Variants in BICRA observed in about 807,000 individuals in gnomAD.
BICRA encodes the protein BRD4-interacting chromatin-remodeling complex-associated protein.
A neutral mutation model predicts 96.9 loss-of-function variants in BICRA; 31 were observed. That is an observed-to-expected ratio of 0.32 (90% CI 0.24 to 0.43). The LOEUF (loss-of-function observed/expected upper bound fraction) is 0.43, where lower values mean the gene tolerates loss of function less well. Among genes scored for constraint, BICRA ranks in the 20% least tolerant of loss-of-function variants. The pLI is 1.00. For missense variants in BICRA, 2,283 were observed against 2,190.3 expected, an observed-to-expected ratio of 1.04 and a Z score of -0.84; for synonymous variants, 1,350 against 1,071.8, an observed-to-expected ratio of 1.26 and a Z score of -5.07.
intron 2 of BICRA, among the ~76,000 whole-genome samples, chr19:47,671,845 TG>T (rs1273890817): frequency 1.1e-4 from 12 of 104,444 alleles, no homozygotes; most frequent in East Asian, 2.9e-4. Flanking sequence ...GATGGAAGGA[TG>T]GGAGGGATGG....
At chr19:47,669,559 T>C (rs1009842094) in intron 1 of BICRA, among the ~76,000 whole-genome samples, 2 of 152,190 alleles carry the variant, frequency 1.3e-5, no homozygotes, top group Non-Finnish European at 2.9e-5. Context: ...CTATATGTTA[T>C]ATACACTATA....
Position 47,680,891 on chromosome 19 carries a change from C to T in BICRA, c.1721C>T (p.Pro574Leu), listed in dbSNP as rs1278742771. 5 of 1,487,810 alleles carry T rather than the reference C, an allele frequency of 3.4e-6. No homozygotes were observed. The East Asian group carries it at 1.0e-4, about 31-fold the overall frequency. 92.2% of individuals were successfully genotyped at this position (1,487,810 alleles called of 1,614,324 possible). A position where few individuals can be genotyped will look rare whatever the true frequency, so the allele number is the denominator to read the frequency against. The change falls in exon 6 of 15, where the codon CCC (proline) becomes CTC (leucine). Residue 574 changes from proline to leucine, a missense_variant. Physicochemically the swap from Pro to Leu is moderately conservative, Grantham distance 98. Coordinates refer to ENST00000594866, the MANE Select transcript of BICRA (RefSeq NM_001394372.1). ...GSLPTQSQPA[P>L]AGPAATTVLQ... ...CTGCCCACGCAGAGCCAGCCAGCGC[C>T]CGCCGGGCCGGCCGCCACCACTGTC...
At chr19:47,655,809 T>A (rs1424764534) in intron 1 of BICRA, among the ~76,000 whole-genome samples, 3 of 151,110 alleles carry the variant, frequency 2.0e-5, no homozygotes, top group Admixed American at 1.3e-4. Context: ...TGAGCCGAGA[T>A]CGCTGCACTG....
intron 1 of BICRA, among the ~76,000 whole-genome samples, chr19:47,638,186 G>T (rs1363374805): frequency 6.6e-6 from 1 of 152,044 alleles, no homozygotes; most frequent in African/African-American, 2.4e-5. Context: ...GAGTCTGGAA[G>T]TAATTTCCAG....
chr19:47,608,529 C>G (rs1382975854), upstream of BICRA: 1 of 152,354 alleles, frequency 6.6e-6, no homozygotes, highest in East Asian at 1.9e-4. Flanking sequence ...GGACGCACGG[C>G]GCCCCCTCCC....
Position 47,687,776 on chromosome 19 carries a change from C to T in BICRA, c.2283+5624C>T, listed in dbSNP as rs1036118613. Among the ~76,000 whole-genome samples, 4 of 143,712 alleles carry T rather than the reference C, an allele frequency of 2.8e-5. No homozygotes were observed. The East Asian group carries it at 6.3e-4, about 23-fold the overall frequency. The allele number at this position is 143,712 out of a possible 152,430, so 94.3% of individuals were successfully genotyped here. A position where few individuals can be genotyped will look rare whatever the true frequency, so the allele number is the denominator to read the frequency against. Reference sequence around the variant, plus strand: ...AGAGAGGGTTGCAGTGAGCTGAGATCGTGCCACTACACTCTAGCCTAGGCA... The same window carrying T: ...AGAGAGGGTTGCAGTGAGCTGAGATTGTGCCACTACACTCTAGCCTAGGCA... On this transcript the variant is annotated intron_variant, in intron 7 of 14. Coordinates refer to ENST00000594866, the MANE Select transcript of BICRA (RefSeq NM_001394372.1).
At chr19:47,652,749 A>G (rs1169089619) in intron 1 of BICRA, among the ~76,000 whole-genome samples, 2 of 152,156 alleles carry the variant, frequency 1.3e-5, no homozygotes, top group African/African-American at 4.8e-5. Context: ...AGCAAAAATT[A>G]TTTTGAAAAC....
intron 1 of BICRA, among the ~76,000 whole-genome samples, chr19:47,666,928 G>A (rs975135667): frequency 9.2e-5 from 14 of 151,824 alleles, no homozygotes; most frequent in African/African-American, 2.7e-4. Flanking sequence ...ACACAAATCC[G>A]AGCTGTTAAA....
At chr19:47,686,757 A>G (rs954548588) in intron 7 of BICRA, among the ~76,000 whole-genome samples, 2 of 152,096 alleles carry the variant, frequency 1.3e-5, no homozygotes, top group South Asian at 2.1e-4. Flanking sequence ...TACTATGTGT[A>G]GGGGTGTGTT....
At chr19:47,608,837 G>A (rs1316152936), upstream of BICRA, among the ~76,000 whole-genome samples, 94 of 137,752 alleles carry the variant, frequency 6.8e-4, no homozygotes, top group Admixed American at 1.1e-3. Context: ...GCGGAGGGAA[G>A]AGGAGGAGGA....
chr19:47,627,976 G>A (rs572289391), intron 1 of BICRA, among the ~76,000 whole-genome samples: 1 of 152,170 alleles, frequency 6.6e-6, no homozygotes, highest in African/African-American at 2.4e-5. Flanking sequence ...CTTCATGTTG[G>A]CCAGGCTGGT....
At chr19:47,676,570 T>TC (rs1199362230) in intron 5 of BICRA, among the ~76,000 whole-genome samples, 1 of 67,674 alleles carries the variant, frequency 1.5e-5, no homozygotes, top group Non-Finnish European at 2.8e-5. Flanking sequence ...TCCTTCGGCC[T>TC]CCCCCCTCCC....
chr19:47,612,603 C>T (rs1288322067), intron 1 of BICRA, among the ~76,000 whole-genome samples: 4 of 151,806 alleles, frequency 2.6e-5, no homozygotes, highest in Admixed American at 2.0e-4. Context: ...GGAATACATG[C>T]TTAGCTGTAG....
intron 1 of BICRA, among the ~76,000 whole-genome samples, chr19:47,653,764 G>A (rs1338177632): frequency 1.3e-5 from 2 of 152,120 alleles, no homozygotes; most frequent in Non-Finnish European, 2.9e-5. Context: ...ATCCACGGAC[G>A]GGCATTTGGG....
intron 1 of BICRA, among the ~76,000 whole-genome samples, chr19:47,644,533 C>T (rs1972431502): frequency 7.1e-6 from 1 of 141,472 alleles, no homozygotes; most frequent in South Asian, 2.6e-4. Context: ...TGGAATCTCA[C>T]TCTGTCACTC....
At chr19:47,620,389 G>T (rs997611925) in intron 1 of BICRA, among the ~76,000 whole-genome samples, 6 of 151,978 alleles carry the variant, frequency 3.9e-5, no homozygotes, top group Admixed American at 1.3e-4. Flanking sequence ...CCACTGGCCA[G>T]GGCGCAGTGG....
At chr19:47,693,838 G>A (rs1973278658) in intron 7 of BICRA, among the ~76,000 whole-genome samples, 1 of 152,336 alleles carries the variant, frequency 6.6e-6, no homozygotes, top group South Asian at 2.1e-4. Flanking sequence ...CGAGGGGTGG[G>A]GGGAATGGGG....
At chr19:47,652,295 C>T (rs1972551986) in intron 1 of BICRA, among the ~76,000 whole-genome samples, 4 of 152,154 alleles carry the variant, frequency 2.6e-5, no homozygotes, top group Non-Finnish European at 5.9e-5. Context: ...AAGCAATCCT[C>T]CTACCTCAGC....
intron 1 of BICRA, among the ~76,000 whole-genome samples, chr19:47,644,141 C>T (rs1259715410): frequency 6.6e-6 from 1 of 152,052 alleles, no homozygotes; most frequent in Non-Finnish European, 1.5e-5. Context: ...ACCTCAGTCT[C>T]CCAAGTGGCT....
Sources: gnomAD v4.1 joint callset for allele counts (sites outside exome capture counted in the v4.1 genomes callset) on GRCh38, gnomAD v4.1.1 for gene constraint, MANE v1.5 for transcripts, NCBI Gene and HGNC (gene_info 2026-07-23, HGNC 2026-07-21) for gene names.